Variants in KCNU1 observed in about 807,000 individuals in gnomAD.
The protein encoded by KCNU1 is potassium channel subfamily U member 1.
Under a neutral mutation model 126.8 loss-of-function variants are expected in KCNU1, and 93 were observed. The observed-to-expected ratio is 0.73, with a 90% CI of 0.62 to 0.87. The LOEUF (loss-of-function observed/expected upper bound fraction) is 0.87. Among genes scored for constraint, KCNU1 ranks in the 40% least tolerant of loss-of-function variants. The pLI, the probability that KCNU1 is intolerant of heterozygous loss-of-function variation, is 0.00. For synonymous variants in KCNU1, 523 were observed against 494.2 expected, an observed-to-expected ratio of 1.06 and a Z score of -0.77; for missense variants, 1,330 against 1,367.1, an observed-to-expected ratio of 0.97 and a Z score of 0.43.
At chr8:36,804,119 CTA>C in intron 3 of KCNU1, 31 bp downstream of exon 3, 5 of 1,425,340 alleles carry the variant, frequency 3.5e-6, no homozygotes, top group Non-Finnish European at 4.8e-6. Flanking sequence ...CACTTGTCTG[CTA>C]TATCAGTACA....
intron 19 of KCNU1, among the ~76,000 whole-genome samples, chr8:36,900,325 G>A (rs1362965254): frequency 6.6e-6 from 1 of 152,000 alleles, no homozygotes; most frequent in Non-Finnish European, 1.5e-5. Flanking sequence ...CTGGGGAAAT[G>A]AACTATATAA....
intron 18 of KCNU1, among the ~76,000 whole-genome samples, chr8:36,850,453 A>G (rs950455404): frequency 7.4e-6 from 1 of 135,156 alleles, no homozygotes; most frequent in African/African-American, 2.7e-5. Flanking sequence ...AAAATCGGTG[A>G]TCTTTTTTTT....
intron 24 of KCNU1, chr8:36,923,099 G>A (rs1808420745): frequency 2.2e-6 from 1 of 455,968 alleles, no homozygotes; most frequent in African/African-American, 2.0e-5. Flanking sequence ...CCTCTCATGG[G>A]GGGCATTCTT....
chr8:36,799,349 A>C (rs898372372), intron 2 of KCNU1, among the ~76,000 whole-genome samples: 4 of 150,934 alleles, frequency 2.7e-5, no homozygotes, highest in Admixed American at 6.6e-5. Context: ...TCTTCTTTCA[A>C]TGTTTCCTCC....
At chr8:36,843,815 T>A (rs192264197) in intron 16 of KCNU1, among the ~76,000 whole-genome samples, 190 of 152,346 alleles carry the variant, frequency 1.2e-3, no homozygotes, top group Middle Eastern at 3.4e-3. Context: ...AGAATTTTTC[T>A]TACGGAATTA....
At chr8:36,859,876 T>A (rs549937345) in intron 18 of KCNU1, among the ~76,000 whole-genome samples, 41 of 152,298 alleles carry the variant, frequency 2.7e-4, no homozygotes, top group Non-Finnish European at 4.7e-4. Flanking sequence ...ATAAAGAATA[T>A]ATAAATTGGT....
At chr8:36,867,584 A>G (rs914457103) in intron 19 of KCNU1, among the ~76,000 whole-genome samples, 1 of 152,156 alleles carries the variant, frequency 6.6e-6, no homozygotes, top group Admixed American at 6.6e-5. Context: ...AAATGCTCCA[A>G]TCATGTTTGT....
At chr8:36,794,244 T>TC (rs1803011579) in intron 2 of KCNU1, among the ~76,000 whole-genome samples, 1 of 152,040 alleles carries the variant, frequency 6.6e-6, no homozygotes, top group Non-Finnish European at 1.5e-5. Flanking sequence ...CCTTTTTTTT[T>TC]TGGTATGCCT....
chr8:36,929,234 A>T (rs1808623646), intron 24 of KCNU1, among the ~76,000 whole-genome samples: 1 of 151,976 alleles, frequency 6.6e-6, no homozygotes, highest in Non-Finnish European at 1.5e-5. Flanking sequence ...ATACTAAAAA[A>T]TTACCCAGGT....
chr8:36,909,070 G>A (rs1807754014), intron 20 of KCNU1, among the ~76,000 whole-genome samples: 1 of 152,132 alleles, frequency 6.6e-6, no homozygotes, highest in Non-Finnish European at 1.5e-5. Flanking sequence ...TGCATTCCAA[G>A]CTAATAGAAA....
intron 20 of KCNU1, among the ~76,000 whole-genome samples, chr8:36,906,893 A>C (rs1807651125): frequency 6.6e-6 from 1 of 152,186 alleles, no homozygotes; most frequent in Non-Finnish European, 1.5e-5. Context: ...TCCGTTGAGC[A>C]GGAAGCCAAA....
intron 2 of KCNU1, among the ~76,000 whole-genome samples, chr8:36,787,862 A>AAT (rs36094277): frequency 6.8e-6 from 1 of 146,510 alleles, no homozygotes; most frequent in Non-Finnish European, 1.5e-5. Flanking sequence ...TTGACTAATT[A>AAT]TATATTTATA....
intron 4 of KCNU1, among the ~76,000 whole-genome samples, chr8:36,805,537 A>G (rs1803467329): frequency 6.6e-6 from 1 of 152,188 alleles, no homozygotes; most frequent in Admixed American, 6.5e-5. Context: ...TCGTGTTCCC[A>G]TGGCCTCCTT....
At chr8:36,887,720 A>G (rs754610748) in intron 19 of KCNU1, among the ~76,000 whole-genome samples, 69 of 152,138 alleles carry the variant, frequency 4.5e-4, no homozygotes, top group Non-Finnish European at 9.1e-4. Context: ...AATATTGCTC[A>G]TCTTGAGGTC....
At chr8:36,897,305 C>A (rs1272137129) in intron 19 of KCNU1, among the ~76,000 whole-genome samples, 6 of 151,888 alleles carry the variant, frequency 4.0e-5, no homozygotes, top group Admixed American at 3.9e-4. Context: ...TTTATAGAAT[C>A]ATTCTCTCTC....
intron 19 of KCNU1, among the ~76,000 whole-genome samples, chr8:36,896,438 G>A (rs1807191236): frequency 6.6e-6 from 1 of 152,010 alleles, no homozygotes; most frequent in Non-Finnish European, 1.5e-5. Flanking sequence ...TTTGAGTTTA[G>A]ATTAATAGGT....
chr8:36,809,717 A>G (rs115045411), intron 7 of KCNU1, among the ~76,000 whole-genome samples: 91 of 152,296 alleles, frequency 6.0e-4, no homozygotes, highest in African/African-American at 2.2e-3. Context: ...GGGGATAAGC[A>G]GACATTAGTG....
chr8:36,818,629 G>A (rs1010437432), intron 10 of KCNU1, among the ~76,000 whole-genome samples: 1 of 152,168 alleles, frequency 6.6e-6, no homozygotes, highest in African/African-American at 2.4e-5. Flanking sequence ...TTTCTCAAAT[G>A]ATTCATCGGT....
At chr8:36,816,471 G>T (rs1027808115) in intron 9 of KCNU1, among the ~76,000 whole-genome samples, 2 of 152,130 alleles carry the variant, frequency 1.3e-5, no homozygotes, top group Non-Finnish European at 2.9e-5. Context: ...AATACAGTTG[G>T]ATGAAAACTT....
Sources: allele counts gnomAD v4.1 joint callset (sites outside exome capture counted in the v4.1 genomes callset), GRCh38; gene constraint gnomAD v4.1.1; transcripts MANE v1.5; gene names NCBI Gene and HGNC (gene_info 2026-07-23, HGNC 2026-07-21).